The following FBXL7 variants were observed in gnomAD, a reference collection of about 807,000 sequenced individuals.
FBXL7 encodes the protein F-box and leucine rich repeat protein 7.
In FBXL7, 12 loss-of-function variants were observed where a neutral mutation model predicts 38.3. The observed-to-expected ratio is 0.31, with a 90% CI of 0.20 to 0.51. The LOEUF is 0.51. Among genes scored for constraint, FBXL7 ranks in the 20% least tolerant of loss-of-function variants. The probability of loss-of-function intolerance (pLI) is 0.98; values close to 1 mark genes in which losing one functional copy is unlikely to be tolerated. For missense variants in FBXL7, 567 were observed against 676.4 expected, an observed-to-expected ratio of 0.84 and a Z score of 1.79; for synonymous variants, 297 against 300.9, an observed-to-expected ratio of 0.99 and a Z score of 0.13.
At chr5:15,779,418 T>G (rs1736936883) in intron 2 of FBXL7, among the ~76,000 whole-genome samples, 1 of 152,148 alleles carries the variant, frequency 6.6e-6, no homozygotes, top group Non-Finnish European at 1.5e-5. Flanking sequence ...CATTACATAT[T>G]GTATACATGT....
intron 3 of FBXL7, among the ~76,000 whole-genome samples, chr5:15,932,271 C>G (rs6862646): frequency 0.01 from 1,567 of 152,208 alleles, 29 homozygotes; most frequent in African/African-American, 0.036. Context: ...AAGGGAACCA[C>G]GTAGGAGGCA....
intron 2 of FBXL7, among the ~76,000 whole-genome samples, chr5:15,834,183 T>C (rs971460865): frequency 6.6e-6 from 1 of 152,228 alleles, no homozygotes; most frequent in Non-Finnish European, 1.5e-5. Flanking sequence ...TTCAATATCA[T>C]ATAGGTGGAA....
intron 1 of FBXL7, among the ~76,000 whole-genome samples, chr5:15,591,345 T>C (rs988017782): frequency 1.3e-5 from 2 of 150,210 alleles, no homozygotes; most frequent in East Asian, 2.0e-4. Context: ...AGGAGAATGG[T>C]GTGAATCCGG....
intron 2 of FBXL7, among the ~76,000 whole-genome samples, chr5:15,895,491 AAAG>A (rs1230293128): frequency 6.6e-6 from 1 of 152,172 alleles, no homozygotes; most frequent in Non-Finnish European, 1.5e-5. Context: ...TATCATAAGT[AAAG>A]AAGGTGCTAT....
chr5:15,683,156 A>T (rs1423654548), intron 2 of FBXL7, among the ~76,000 whole-genome samples: 1 of 152,182 alleles, frequency 6.6e-6, no homozygotes, highest in African/African-American at 2.4e-5. Context: ...GCTTCGGGGC[A>T]ACTAGAAGTA....
chr5:15,930,350 A>G (rs1387067366), intron 3 of FBXL7, among the ~76,000 whole-genome samples: 2 of 152,226 alleles, frequency 1.3e-5, no homozygotes, highest in Non-Finnish European at 2.9e-5. Context: ...GTTCTTTAAC[A>G]TCTAAGAATT....
rs138904475 is a variant in FBXL7 at position 15,832,074 on chromosome 5, A to T, written c.128-95816A>T. Among the ~76,000 whole-genome samples the T allele has an allele frequency of 3.9e-5, 6 of 152,300 alleles. No homozygotes were observed. The East Asian group carries it at 1.2e-3, about 30-fold the overall frequency. On this transcript the variant is annotated intron_variant, in intron 2 of 3. Transcript: ENST00000504595. ...TAAATACTTTATTTAGACTCTGGTT[A>T]ATGGAACCTACACATCTGGGAAGTC...
intron 1 of FBXL7, among the ~76,000 whole-genome samples, chr5:15,513,582 G>A (rs1295297521): frequency 6.6e-6 from 1 of 152,210 alleles, no homozygotes; most frequent in Non-Finnish European, 1.5e-5. Context: ...TGTGTGTTCA[G>A]ATCAGATGGA....
chr5:15,541,443 G>GTGTGTATA (rs1264820921), intron 1 of FBXL7, among the ~76,000 whole-genome samples: 13 of 38,444 alleles, frequency 3.4e-4, no homozygotes, highest in South Asian at 2.5e-3. Context: ...GTGTGTGTGT[G>GTGTGTATA]TATATATATA....
At chr5:15,738,266 T>C (rs1051130358) in intron 2 of FBXL7, among the ~76,000 whole-genome samples, 5 of 152,198 alleles carry the variant, frequency 3.3e-5, no homozygotes, top group African/African-American at 1.2e-4. Flanking sequence ...GAGAAGTGCT[T>C]ATGATGAGAA....
At chr5:15,695,835 G>A (rs761867059) in intron 2 of FBXL7, among the ~76,000 whole-genome samples, 2 of 152,122 alleles carry the variant, frequency 1.3e-5, no homozygotes, top group Non-Finnish European at 2.9e-5. Context: ...TAACCCCTAT[G>A]CCAAGAAAGT....
chr5:15,570,679 G>A (rs554503677), intron 1 of FBXL7, among the ~76,000 whole-genome samples: 10 of 152,316 alleles, frequency 6.6e-5, no homozygotes, highest in Non-Finnish European at 1.5e-4. Context: ...ATTAACAGAA[G>A]TACCTTCCAG....
intron 2 of FBXL7, among the ~76,000 whole-genome samples, chr5:15,827,387 G>A (rs996738343): frequency 1.3e-5 from 2 of 152,122 alleles, no homozygotes; most frequent in Non-Finnish European, 1.5e-5. Context: ...CAATTGAATA[G>A]CGTATGTCAA....
At chr5:15,922,452 T>C (rs976290736) in intron 2 of FBXL7, among the ~76,000 whole-genome samples, 1 of 152,158 alleles carries the variant, frequency 6.6e-6, no homozygotes, top group African/African-American at 2.4e-5. Context: ...TGATATCTGC[T>C]CCTTGGTGAT....
chr5:15,573,589 G>T (rs1041480764), intron 1 of FBXL7, among the ~76,000 whole-genome samples: 1 of 152,180 alleles, frequency 6.6e-6, no homozygotes. Flanking sequence ...CAGTGTAGAA[G>T]TCACAGTTTG....
intron 2 of FBXL7, among the ~76,000 whole-genome samples, chr5:15,844,857 G>A (rs1424054277): frequency 6.6e-6 from 1 of 152,106 alleles, no homozygotes; most frequent in African/African-American, 2.4e-5. Flanking sequence ...ATCATTCACA[G>A]ACCACTCCTG....
intron 1 of FBXL7, among the ~76,000 whole-genome samples, chr5:15,588,916 A>T (rs1189885474): frequency 6.6e-6 from 1 of 152,146 alleles, no homozygotes; most frequent in Non-Finnish European, 1.5e-5. Flanking sequence ...TTAAAACTCA[A>T]CTTATTTTTG....
intron 2 of FBXL7, among the ~76,000 whole-genome samples, chr5:15,874,924 A>C (rs1740134944): frequency 6.6e-6 from 1 of 152,346 alleles, no homozygotes; most frequent in South Asian, 2.1e-4. Flanking sequence ...TTTAAATTTC[A>C]TATGGAATGA....
intron 1 of FBXL7, among the ~76,000 whole-genome samples, chr5:15,611,987 AAAAG>A (rs1740254005): frequency 6.6e-6 from 1 of 152,152 alleles, no homozygotes; most frequent in Non-Finnish European, 1.5e-5. Flanking sequence ...TTTCAAAAAA[AAAAG>A]AAAACAAAAA....
Sources: gnomAD v4.1 joint callset for allele counts (sites outside exome capture counted in the v4.1 genomes callset) on GRCh38, gnomAD v4.1.1 for gene constraint, MANE v1.5 for transcripts, NCBI Gene and HGNC (gene_info 2026-07-23, HGNC 2026-07-21) for gene names.